The following SLC25A26 variants were observed in gnomAD, a reference collection of about 807,000 sequenced individuals.
SLC25A26 encodes the protein solute carrier family 25 member 26, also known as mitochondrial S-adenosylmethionine carrier protein.
Under a neutral mutation model 37.8 loss-of-function variants are expected in SLC25A26, and 36 were observed. The ratio of observed to expected loss-of-function variants is 0.95; its 90% CI spans 0.73 to 1.26. SLC25A26 has a LOEUF of 1.26. Among genes scored for constraint, SLC25A26 ranks in the 50% most tolerant of loss-of-function variants. The pLI is 0.00. For synonymous variants in SLC25A26, 129 were observed against 122.5 expected (o/e 1.05, Z -0.35); for missense variants, 390 against 331.1 (o/e 1.18, Z -1.38).
intron 5 of SLC25A26, among the ~76,000 whole-genome samples, chr3:66,286,904 C>A (rs1226835597): frequency 6.6e-6 from 1 of 152,126 alleles, no homozygotes; most frequent in East Asian, 1.9e-4. Context: ...CTCATGTGAT[C>A]TGCCCAACAC....
At chr3:66,227,905 T>C (rs1195601168) in intron 1 of SLC25A26, among the ~76,000 whole-genome samples, 1 of 152,132 alleles carries the variant, frequency 6.6e-6, no homozygotes, top group Non-Finnish European at 1.5e-5. Context: ...GTTTTCTGTT[T>C]TGTTGTTTTT....
upstream of SLC25A26, chr3:66,220,714 C>T (rs916513319): frequency 3.1e-6 from 1 of 319,610 alleles, no homozygotes; most frequent in Non-Finnish European, 5.8e-6. Context: ...CTCCCTCCGC[C>T]ACAGCCACGC....
intron 3 of SLC25A26, among the ~76,000 whole-genome samples, chr3:66,253,231 G>C (rs1289196839): frequency 1.3e-5 from 2 of 151,318 alleles, no homozygotes; most frequent in Admixed American, 6.6e-5. Context: ...CACGGTGAAA[G>C]CTTGTCTCTA....
At chr3:66,270,994 A>T (rs1298033406) in intron 5 of SLC25A26, among the ~76,000 whole-genome samples, 2 of 152,222 alleles carry the variant, frequency 1.3e-5, no homozygotes, top group African/African-American at 2.4e-5. Context: ...CTGAAGGGGC[A>T]CCAGTTCCTG....
intron 5 of SLC25A26, among the ~76,000 whole-genome samples, chr3:66,345,001 T>C (rs1243057037): frequency 6.6e-6 from 1 of 152,188 alleles, no homozygotes. Context: ...TCTCAGCATG[T>C]GTTGTGAGGA....
At chr3:66,303,377 G>A (rs751928559) in intron 5 of SLC25A26, among the ~76,000 whole-genome samples, 9 of 152,180 alleles carry the variant, frequency 5.9e-5, no homozygotes, top group Non-Finnish European at 8.8e-5. Flanking sequence ...GCTGTGGCTC[G>A]TCCTCTGCTG....
intron 5 of SLC25A26, among the ~76,000 whole-genome samples, chr3:66,305,586 G>A (rs1421433633): frequency 1.3e-5 from 2 of 152,096 alleles, no homozygotes; most frequent in Non-Finnish European, 2.9e-5. Flanking sequence ...GCATGCATTA[G>A]CCATCTTTCC....
intron 1 of SLC25A26, among the ~76,000 whole-genome samples, chr3:66,197,597 A>T (rs964088149): frequency 6.6e-6 from 1 of 152,038 alleles, no homozygotes; most frequent in Admixed American, 6.5e-5. Flanking sequence ...TCAATGTGAG[A>T]ATAGGATGAG....
chr3:66,188,087 A>C (rs2106781474), intron 1 of SLC25A26, among the ~76,000 whole-genome samples: 1 of 152,082 alleles, frequency 6.6e-6, no homozygotes, highest in Admixed American at 6.5e-5. Context: ...ACGTCACTCT[A>C]ATCCTCTCAC....
At chr3:66,369,205 A>G (rs1700208466) in intron 7 of SLC25A26, among the ~76,000 whole-genome samples, 1 of 152,206 alleles carries the variant, frequency 6.6e-6, no homozygotes, top group Non-Finnish European at 1.5e-5. Flanking sequence ...ATACACACTC[A>G]TTAGTTTGCT....
rs1413714739 is a variant in SLC25A26 at position 66,175,140 on chromosome 3, T to TATAC, written c.-354+41157_-354+41158insTACA. On this transcript the variant is annotated intron_variant, in intron 1 of 10. Transcript: ENST00000676754. Reference sequence around the variant, plus strand: ...ATATATATATATATATATATATATATACACACACACACACACACACATTAT... The same window carrying TATAC: ...ATATATATATATATATATATATATATATACACACACACACACACACACACATTAT... 3.3e-3 allele frequency among the ~76,000 whole-genome samples: 222 copies of TATAC among 66,972 alleles called. 1 individual carries two copies. The highest frequency in any genetic ancestry group is 0.017 in the South Asian group (43 of 2,520). The allele number at this position is 66,972 out of a possible 152,430, so 43.9% of individuals were successfully genotyped here. A position where few individuals can be genotyped will look rare whatever the true frequency, so the allele number is the denominator to read the frequency against.
intron 1 of SLC25A26, among the ~76,000 whole-genome samples, chr3:66,212,270 C>A (rs1460176725): frequency 2.6e-5 from 4 of 151,946 alleles, no homozygotes; most frequent in African/African-American, 9.7e-5. Flanking sequence ...CACCACCATG[C>A]CTGGTTAATA....
upstream of SLC25A26, among the ~76,000 whole-genome samples, chr3:66,217,842 G>A (rs1040437558): frequency 6.6e-6 from 1 of 152,128 alleles, no homozygotes; most frequent in Admixed American, 6.6e-5. Flanking sequence ...GAGCCACGGC[G>A]CCCAGCCTTA....
intron 5 of SLC25A26, among the ~76,000 whole-genome samples, chr3:66,286,853 G>C (rs1386470895): frequency 6.6e-6 from 1 of 152,004 alleles, no homozygotes; most frequent in Non-Finnish European, 1.5e-5. Context: ...AATAGAGGCG[G>C]GGTCTCACCA....
intron 5 of SLC25A26, among the ~76,000 whole-genome samples, chr3:66,300,010 C>T (rs1263366225): frequency 2.0e-5 from 3 of 152,152 alleles, no homozygotes; most frequent in Non-Finnish European, 4.4e-5. Flanking sequence ...CACGCAGCAT[C>T]TGAGTTTCAG....
At chr3:66,143,592 A>C (rs949640093) in intron 1 of SLC25A26, among the ~76,000 whole-genome samples, 3 of 152,220 alleles carry the variant, frequency 2.0e-5, no homozygotes, top group African/African-American at 7.2e-5. Flanking sequence ...CGTTTAAAAA[A>C]AAAATTATTG....
intron 5 of SLC25A26, among the ~76,000 whole-genome samples, chr3:66,300,695 A>C (rs2075052125): frequency 6.6e-6 from 1 of 152,164 alleles, no homozygotes. Flanking sequence ...CATGAAAAAA[A>C]GTTTGAGCAG....
chr3:66,249,316 C>T (rs568081970), intron 3 of SLC25A26, among the ~76,000 whole-genome samples: 3 of 152,148 alleles, frequency 2.0e-5, no homozygotes, highest in Non-Finnish European at 4.4e-5. Flanking sequence ...CGTTGGACCC[C>T]CTTTGTACCA....
intron 1 of SLC25A26, among the ~76,000 whole-genome samples, chr3:66,194,979 C>G (rs2071020263): frequency 1.3e-5 from 2 of 152,212 alleles, no homozygotes; most frequent in Admixed American, 6.5e-5. Context: ...CCCACTCCTC[C>G]CCTTGGTGGG....
Sources: allele counts gnomAD v4.1 joint callset (sites outside exome capture counted in the v4.1 genomes callset), GRCh38; gene constraint gnomAD v4.1.1; transcripts MANE v1.5; gene names NCBI Gene and HGNC (gene_info 2026-07-23, HGNC 2026-07-21).